The following KIF24 variants were observed in gnomAD, a reference collection of about 807,000 sequenced individuals.
KIF24 encodes the protein kinesin-like protein KIF24.
KIF24 carries 81 observed loss-of-function variants against 118.9 expected under a neutral mutation model. That is an observed-to-expected ratio of 0.68 (90% CI 0.57 to 0.82). The LOEUF is 0.82. Ranked by LOEUF, KIF24 falls within the 40% of genes least tolerant of loss-of-function variation. KIF24 has a pLI of 0.00. For synonymous variants in KIF24, 599 were observed against 610.0 expected, an observed-to-expected ratio of 0.98 and a Z score of 0.27; for missense variants, 1,560 against 1,661.6, an observed-to-expected ratio of 0.94 and a Z score of 1.06.
At chr9:34,313,407 T>A (rs1193279781) in intron 1 of KIF24, among the ~76,000 whole-genome samples, 1 of 152,214 alleles carries the variant, frequency 6.6e-6, no homozygotes, top group African/African-American at 2.4e-5. Context: ...TGAGGGTAAT[T>A]TGCTACACAG....
At chr9:34,302,410 C>G (rs2131791642) in intron 3 of KIF24, among the ~76,000 whole-genome samples, 1 of 151,368 alleles carries the variant, frequency 6.6e-6, no homozygotes, top group African/African-American at 2.4e-5. Context: ...CTCAAGTGAT[C>G]CTCCCACCTC....
intron 1 of KIF24, among the ~76,000 whole-genome samples, chr9:34,327,700 AT>A (rs1474828567): frequency 1.3e-5 from 2 of 152,066 alleles, no homozygotes; most frequent in Non-Finnish European, 2.9e-5. Context: ...AGGAATTTTA[AT>A]CTAATTCAAT....
chr9:34,312,830 T>A (rs1165593078), intron 1 of KIF24, among the ~76,000 whole-genome samples: 1 of 152,130 alleles, frequency 6.6e-6, no homozygotes, highest in Non-Finnish European at 1.5e-5. Flanking sequence ...CCTGAGTAGC[T>A]AGGATTCACA....
rs1837400099 is a variant in KIF24, at chr9:34,318,444, C to T, written c.-25-7073G>A. The T allele has an allele frequency of 1.1e-5, 8 of 717,380 alleles. No homozygotes were observed. The highest frequency in any genetic ancestry group is 2.9e-4 in the Middle Eastern group (1 of 3,470). The allele number at this position is 717,380 out of a possible 1,614,324, so 44.4% of individuals were successfully genotyped here. A position where few individuals can be genotyped will look rare whatever the true frequency, so the allele number is the denominator to read the frequency against. Reference sequence around the variant, plus strand: ...CTCCTCAGCGCCTTCTGCCTCCTGGCGGTGGCCTTGGCGACCGAGGTGAAG... The same window carrying T: ...CTCCTCAGCGCCTTCTGCCTCCTGGTGGTGGCCTTGGCGACCGAGGTGAAG... On this transcript the variant is annotated intron_variant, in intron 1 of 12. Transcript: ENST00000402558. The surrounding 1 kb of genome is among the most constrained non-coding windows in gnomAD (Gnocchi z 4.9).
chr9:34,269,289 C>G lies in KIF24; in HGVS notation c.1411G>C (p.Glu471Gln), dbSNP rs1835410380. Residue 471 changes from glutamate (E) to glutamine (Q), a missense_variant, in exon 8 of 13, where the codon GAA becomes CAA. Glu to Gln is a conservative substitution (Grantham distance 29). Transcript: ENST00000402558. ...AGACTCTGATTTATTTCTGCACCTT[C>G]CATCTTTGTCTGTCTATCTGAGTCC... is the stretch of plus-strand genomic sequence containing the variant. ...ARDSDRQTKM[E>Q]GAEINQSLLA... 5.0e-6 allele frequency: 8 copies of G among 1,610,744 alleles called. No individual in the cohort carries two copies. Among genetic ancestry groups the G allele is most frequent in the Non-Finnish European group, 6.8e-6 (8 of 1,177,542 alleles).
intron 11 of KIF24, 61 bp downstream of exon 11, chr9:34,255,674 A>G (rs759568317): frequency 9.8e-5 from 138 of 1,407,658 alleles, no homozygotes; most frequent in Non-Finnish European, 1.3e-4. Context: ...ACAAAACAGT[A>G]AGCTGGAGTG....
chr9:34,283,104 T>C (rs929277167), intron 6 of KIF24, among the ~76,000 whole-genome samples: 1 of 145,418 alleles, frequency 6.9e-6, no homozygotes, highest in Non-Finnish European at 1.5e-5. Flanking sequence ...TGGTGGCTCA[T>C]GCCTGTAATC....
Position 34,318,341 on chromosome 9 carries a change from C to T in KIF24, c.-25-6970G>A. Reference sequence around the variant, plus strand: ...TTGGAGCCAGCCCAGCCCAACCCAGCCCAACCCAGCTTGACCTAGCCCTGA... The same window carrying T: ...TTGGAGCCAGCCCAGCCCAACCCAGTCCAACCCAGCTTGACCTAGCCCTGA... On this transcript the variant is annotated intron_variant, in intron 1 of 12. Transcript: ENST00000402558. The surrounding 1 kb of genome is among the most constrained non-coding windows in gnomAD (Gnocchi z 4.9). The T allele has an allele frequency of 3.3e-6, 2 of 598,940 alleles. No homozygotes were observed. The highest frequency in any genetic ancestry group is 6.1e-6 in the Non-Finnish European group (2 of 327,862). 37.1% of individuals were successfully genotyped at this position (598,940 alleles called of 1,614,324 possible).
At chr9:34,305,817 G>T (rs1008442923) in intron 3 of KIF24, among the ~76,000 whole-genome samples, 2 of 151,882 alleles carry the variant, frequency 1.3e-5, no homozygotes, top group Non-Finnish European at 2.9e-5. Flanking sequence ...TGGTGCCCAG[G>T]GTGGTCTCAA....
intron 7 of KIF24, among the ~76,000 whole-genome samples, chr9:34,270,322 C>T (rs34445554): frequency 0.48 from 72,046 of 151,410 alleles, 20,052 homozygotes; most frequent in South Asian, 0.64. Flanking sequence ...CGAGACCCTC[C>T]TGGCTAAAAT....
chr9:34,277,975 C>A (rs1441952288), intron 6 of KIF24, among the ~76,000 whole-genome samples: 1 of 152,146 alleles, frequency 6.6e-6, no homozygotes, highest in Non-Finnish European at 1.5e-5. Context: ...AGTTTCTTAT[C>A]TATAAAATGG....
chr9:34,302,616 C>T (rs1836763934), intron 3 of KIF24, among the ~76,000 whole-genome samples: 1 of 151,726 alleles, frequency 6.6e-6, no homozygotes, highest in South Asian at 2.1e-4. Flanking sequence ...CAGGTGTGTG[C>T]CACCAGGCCC....
chr9:34,299,857 C>T (rs2131782540), intron 3 of KIF24, among the ~76,000 whole-genome samples: 1 of 150,256 alleles, frequency 6.7e-6, no homozygotes, highest in East Asian at 2.0e-4. Flanking sequence ...TATAGTTGGT[C>T]TAATATGTAA....
intron 8 of KIF24, among the ~76,000 whole-genome samples, chr9:34,264,905 A>T (rs1835227917): frequency 6.6e-6 from 1 of 152,192 alleles, no homozygotes; most frequent in African/African-American, 2.4e-5. Flanking sequence ...AACTGGAAAA[A>T]GGAATGAGGA....
At chr9:34,295,580 A>G (rs1025076924) in intron 4 of KIF24, among the ~76,000 whole-genome samples, 2 of 152,168 alleles carry the variant, frequency 1.3e-5, no homozygotes, top group Admixed American at 6.5e-5. Context: ...CAGGAGGCTG[A>G]GATGGGAGGA....
In KIF24 at chr9:34,259,591, C is replaced by T. The variant is rs374831852; in HGVS notation, c.1625+5G>A. 2.3e-5 allele frequency: 37 copies of T among 1,611,952 alleles called. No individual in the cohort carries two copies. Among genetic ancestry groups the T allele is most frequent in the Non-Finnish European group, 2.9e-5 (34 of 1,178,230 alleles). On this transcript the variant is annotated splice_donor_5th_base_variant and intron_variant, in intron 10 of 12. Transcript: ENST00000402558. ...ACACAACCTGCCATCTGGGAGCTGA[C>T]TTACCGGTCAGCATAGCGCAAGGTG...
At chr9:34,292,231 T>A (rs759008171) in intron 4 of KIF24, among the ~76,000 whole-genome samples, 2 of 152,204 alleles carry the variant, frequency 1.3e-5, no homozygotes, top group Admixed American at 1.3e-4. Flanking sequence ...ATATGAAAAT[T>A]GAGTATTCAG....
intron 6 of KIF24, among the ~76,000 whole-genome samples, chr9:34,281,504 T>C (rs1835849584): frequency 6.6e-6 from 1 of 152,146 alleles, no homozygotes; most frequent in Non-Finnish European, 1.5e-5. Flanking sequence ...CTTAGAGAAG[T>C]TTACAATATT....
At chr9:34,329,331 C>T (rs747626628), upstream of KIF24, among the ~76,000 whole-genome samples, 1 of 152,252 alleles carries the variant, frequency 6.6e-6, no homozygotes, top group Non-Finnish European at 1.5e-5. Context: ...TCCAAGGAAT[C>T]GGTTGACGTT....
Sources: gnomAD v4.1 joint callset for allele counts (sites outside exome capture counted in the v4.1 genomes callset) on GRCh38, gnomAD v4.1.1 for gene constraint, Gnocchi (gnomAD v3.1) non-coding constraint, MANE v1.5 for transcripts, NCBI Gene and HGNC (gene_info 2026-07-23, HGNC 2026-07-21) for gene names.